The following ZC3H7B variants were observed in gnomAD, a reference collection of about 807,000 sequenced individuals.
ZC3H7B encodes the protein zinc finger CCCH domain-containing protein 7B.
In ZC3H7B, 35 loss-of-function variants were observed where a neutral mutation model predicts 116.0. That is an observed-to-expected ratio of 0.30 (90% CI 0.23 to 0.40). The LOEUF is 0.40. ZC3H7B is among the 10% of genes least tolerant of loss of function. The pLI, the probability that ZC3H7B is intolerant of heterozygous loss-of-function variation, is 1.00. For missense variants in ZC3H7B, 1,011 were observed against 1,321.5 expected (o/e 0.77, Z 3.64); for synonymous variants, 502 against 545.6 (o/e 0.92, Z 1.11).
chr22:41,312,247 A>G (rs1231105625), intron 1 of ZC3H7B, among the ~76,000 whole-genome samples: 1 of 150,952 alleles, frequency 6.6e-6, no homozygotes, highest in Non-Finnish European at 1.5e-5. Flanking sequence ...CGGGCAGATC[A>G]CCTGAGTCCA....
At chr22:41,325,976 A>G (rs1015842184) in intron 4 of ZC3H7B, 58 bp downstream of exon 4, 251 of 1,538,098 alleles carry the variant, frequency 1.6e-4, no homozygotes, top group Non-Finnish European at 2.0e-4. Flanking sequence ...CTGGATGCCC[A>G]GTCGAGCCAG....
At chr22:41,318,267 C>T (rs1286084651) in intron 1 of ZC3H7B, among the ~76,000 whole-genome samples, 2 of 151,796 alleles carry the variant, frequency 1.3e-5, no homozygotes, top group African/African-American at 2.4e-5. Flanking sequence ...CGGTGGCTCA[C>T]GCCTGTAATC....
Position 41,345,942 on chromosome 22 carries a change from G to A in ZC3H7B, c.1460-61G>A, listed in dbSNP as rs1172510284. On this transcript the variant is annotated intron_variant, in intron 13 of 22. Transcript: ENST00000352645. The stretch of plus-strand genomic sequence containing the variant: ...GCCCCACAGGCCGCAGCGGGGTGGC[G>A]AGGGTGCTGCGGGCTGCTATCCCCG... 1.1e-5 allele frequency: 17 copies of A among 1,571,324 alleles called. No homozygotes were observed. The African/African-American group carries it at 1.2e-4, about 11-fold the overall frequency.
Position 41,341,086 on chromosome 22 carries a change from A to G in ZC3H7B, c.1139-2A>G. On this transcript the variant is annotated splice_acceptor_variant, in intron 10 of 22. Coordinates refer to ENST00000352645, the MANE Select transcript of ZC3H7B (RefSeq NM_017590.6). LOFTEE classifies it high-confidence loss of function. ...TGACCCCTGTGTCTTCTCCCTGCCC[A>G]GAGGAGACCAACTCACAGGACCACC... The G allele has an allele frequency of 6.2e-7, 1 of 1,613,638 alleles. No homozygotes were observed. Among genetic ancestry groups the G allele is most frequent in the Non-Finnish European group, 8.5e-7 (1 of 1,179,762 alleles).
In ZC3H7B at chr22:41,349,507, G is replaced by C. The variant is rs1225479164; in HGVS notation, c.1948+206G>C. On this transcript the variant is annotated intron_variant, in intron 16 of 22. Coordinates refer to ENST00000352645, the MANE Select transcript of ZC3H7B (RefSeq NM_017590.6). This position sits in a 1 kb window ranked among gnomAD's most constrained non-coding sequence, Gnocchi z 4.9. Reference sequence around the variant, plus strand: ...ACAGAGGAGAGAAGCTCTGCTCTCAGGGCGCTTCCAGGCTCGGAGATCTGG... The same window carrying C: ...ACAGAGGAGAGAAGCTCTGCTCTCACGGCGCTTCCAGGCTCGGAGATCTGG... 6.6e-6 allele frequency among the ~76,000 whole-genome samples: 1 copy of C among 152,136 alleles called. No individual in the cohort carries two copies. Among genetic ancestry groups the C allele is most frequent in the Non-Finnish European group, 1.5e-5 (1 of 68,006 alleles).
At position 41,356,570 on chromosome 22, in the gene ZC3H7B, C is replaced by T. The variant is rs1022923536; in HGVS notation, c.2518-75C>T. The T allele has an allele frequency of 1.3e-4, 213 of 1,609,104 alleles. 1 individual carries two copies. The highest frequency in any genetic ancestry group is 5.2e-4 in the South Asian group (47 of 90,724). ...CAGCCTGGAGGGCCCAGCCGGCCAG[C>T]GCTCAGCCTCTCCGAGGTGGGTGGT... On this transcript the variant is annotated intron_variant, in intron 21 of 22. Transcript: ENST00000352645.
chr22:41,310,324 G>A (rs2036102060), intron 1 of ZC3H7B, among the ~76,000 whole-genome samples: 1 of 152,202 alleles, frequency 6.6e-6, no homozygotes, highest in African/African-American at 2.4e-5. Flanking sequence ...ACACCAGGTG[G>A]AGCTGCAAAA....
At chr22:41,318,258 G>A (rs930073233) in intron 1 of ZC3H7B, among the ~76,000 whole-genome samples, 1 of 152,024 alleles carries the variant, frequency 6.6e-6, no homozygotes, top group Admixed American at 6.6e-5. Context: ...GGCTGGGCGC[G>A]GTGGCTCACG....
chr22:41,302,163 AC>A lies in ZC3H7B; in HGVS notation c.-7+395del, dbSNP rs2035974911. 6.7e-6 allele frequency among the ~76,000 whole-genome samples: 1 copy of A among 149,642 alleles called. No homozygotes were observed. Among genetic ancestry groups the A allele is most frequent in the Admixed American group, 6.6e-5 (1 of 15,108 alleles). On this transcript the variant is annotated intron_variant, in intron 1 of 22. Transcript: ENST00000352645. The surrounding 1 kb of genome is among the most constrained non-coding windows in gnomAD (Gnocchi z 5.7). ...TCTGGGGTGTCCAGATGCTTTGCCG[AC>A]CCCGCGCAGGGGGTCTCGGGGGCTG... is the stretch of plus-strand genomic sequence containing the variant.
At chr22:41,352,084 C>A (rs1477085436) in intron 17 of ZC3H7B, among the ~76,000 whole-genome samples, 1 of 152,342 alleles carries the variant, frequency 6.6e-6, no homozygotes, top group Middle Eastern at 3.4e-3. Context: ...AATCCTCCCA[C>A]CTTGGCCTCC....
chr22:41,307,620 C>T (rs112814040), intron 1 of ZC3H7B, among the ~76,000 whole-genome samples: 1 of 152,182 alleles, frequency 6.6e-6, no homozygotes. Context: ...TATAGCAGCA[C>T]ATAACACCCA....
intron 13 of ZC3H7B, among the ~76,000 whole-genome samples, chr22:41,344,067 T>C (rs572392066): frequency 1.3e-5 from 2 of 152,348 alleles, no homozygotes; most frequent in Admixed American, 1.3e-4. Flanking sequence ...ACATCCATCA[T>C]GTCCCTGACT....
chr22:41,314,077 G>C (rs1327374078), intron 1 of ZC3H7B, among the ~76,000 whole-genome samples: 1 of 151,512 alleles, frequency 6.6e-6, no homozygotes, highest in East Asian at 1.9e-4. Flanking sequence ...TAATCAGTGA[G>C]TTTGAGTATC....
intron 1 of ZC3H7B, among the ~76,000 whole-genome samples, chr22:41,315,558 A>G (rs529816949): frequency 9.2e-5 from 14 of 152,218 alleles, no homozygotes; most frequent in African/African-American, 3.4e-4. Context: ...TCAAAATACC[A>G]TAGACTGAGT....
intron 12 of ZC3H7B, among the ~76,000 whole-genome samples, chr22:41,342,964 G>A (rs1476607473): frequency 6.6e-6 from 1 of 152,208 alleles, no homozygotes; most frequent in Non-Finnish European, 1.5e-5. Context: ...CTTGAGGTCA[G>A]GAGTTTGAGA....
In ZC3H7B at chr22:41,346,082, C is replaced by A. The variant is rs149401669; in HGVS notation, c.1539C>A (p.Thr513=). The stretch of plus-strand genomic sequence containing the variant: ...ATCAGGAGGAGATCGACGTGTGGAC[C>A]GAGGAGCGGAAGGGCACCCTCAACC... The part of the protein sequence containing the change: ...AYHQEEIDVW[T]EERKGTLNRD... The change falls in exon 14 of 23, where the codon ACC becomes ACA. Residue 513 remains threonine, a synonymous_variant. Transcript: ENST00000352645. This position sits in a 1 kb window ranked among gnomAD's most constrained non-coding sequence, Gnocchi z 5.3. The A allele has an allele frequency of 6.2e-7, 1 of 1,613,964 alleles. No individual in the cohort carries two copies.
intron 7 of ZC3H7B, chr22:41,335,492 C>T (rs5996020): frequency 0.035 from 5,265 of 152,310 alleles, 289 homozygotes; most frequent in African/African-American, 0.12. Flanking sequence ...CTTTGTCCTG[C>T]GTGGCCTGGG....
At chr22:41,321,857 T>TTTTTTTG (rs2036260967) in intron 2 of ZC3H7B, among the ~76,000 whole-genome samples, 1 of 131,850 alleles carries the variant, frequency 7.6e-6, no homozygotes. Flanking sequence ...TTTTTTTTTT[T>TTTTTTTG]GAGACGGAGT....
At chr22:41,326,620 C>CCTCCTCCT (rs1169567310) in intron 4 of ZC3H7B, among the ~76,000 whole-genome samples, 1 of 152,198 alleles carries the variant, frequency 6.6e-6, no homozygotes, top group Non-Finnish European at 1.5e-5. Flanking sequence ...CCTTCCTCCT[C>CCTCCTCCT]CTCCTCCTCT....
Sources: gnomAD v4.1 joint callset for allele counts (sites outside exome capture counted in the v4.1 genomes callset) on GRCh38, gnomAD v4.1.1 for gene constraint, Gnocchi (gnomAD v3.1) non-coding constraint, MANE v1.5 for transcripts, NCBI Gene and HGNC (gene_info 2026-07-23, HGNC 2026-07-21) for gene names.